The following ZFAT variants were observed in gnomAD, a reference collection of about 807,000 sequenced individuals.
ZFAT encodes the protein zinc finger and AT-hook domain containing, also known as zinc finger protein ZFAT.
A neutral mutation model predicts 117.7 loss-of-function variants in ZFAT; 64 were observed. That is an observed-to-expected ratio of 0.54 (90% confidence interval 0.44 to 0.67). ZFAT has a LOEUF of 0.67. Among genes scored for constraint, ZFAT ranks in the 30% least tolerant of loss-of-function variants. The probability of loss-of-function intolerance (pLI) is 0.00; values close to 1 mark genes in which losing one functional copy is unlikely to be tolerated. For synonymous variants in ZFAT, 679 were observed against 615.0 expected, an observed-to-expected ratio of 1.10 and a Z score of -1.54; for missense variants, 1,433 against 1,584.5, an observed-to-expected ratio of 0.90 and a Z score of 1.62.
chr8:134,579,080 G>A (rs1563871996), intron 10 of ZFAT, among the ~76,000 whole-genome samples: 1 of 152,164 alleles, frequency 6.6e-6, no homozygotes, highest in Non-Finnish European at 1.5e-5. Context: ...GCAACCCCTG[G>A]GCCATAAGAG....
At chr8:134,591,711 G>T (rs1826518700) in intron 7 of ZFAT, among the ~76,000 whole-genome samples, 1 of 152,202 alleles carries the variant, frequency 6.6e-6, no homozygotes, top group Non-Finnish European at 1.5e-5. Flanking sequence ...AGAGCTGCAT[G>T]CAGGGAGAAC....
the ZFAT span, among the ~76,000 whole-genome samples, chr8:134,788,476 G>A: frequency 6.6e-6 from 1 of 152,118 alleles, no homozygotes; most frequent in Non-Finnish European, 1.5e-5. Context: ...GAGAATGTAA[G>A]ATGAATGCTT....
the ZFAT span, among the ~76,000 whole-genome samples, chr8:134,781,277 C>T: frequency 6.6e-6 from 1 of 152,078 alleles, no homozygotes; most frequent in Non-Finnish European, 1.5e-5. Context: ...TGAGATGTGC[C>T]ACCATGCTTA....
intron 10 of ZFAT, among the ~76,000 whole-genome samples, chr8:134,567,151 C>T (rs1824525552): frequency 6.6e-6 from 1 of 152,176 alleles, no homozygotes; most frequent in Non-Finnish European, 1.5e-5. Context: ...CTTAGCTGTC[C>T]CAAATGTCCT....
In ZFAT at chr8:134,694,828, C is replaced by T. The variant is rs574910731; in HGVS notation, c.19+18017G>A. On this transcript the variant is annotated intron_variant, in intron 1 of 15. Coordinates refer to ENST00000377838, the MANE Select transcript of ZFAT (RefSeq NM_020863.4). The stretch of plus-strand genomic sequence containing the variant: ...AAAGCCTTTCTCCCTAGAAGACATT[C>T]GGAGTATTAAATAGAAAAAGCAATC... 7.2e-5 allele frequency among the ~76,000 whole-genome samples: 11 copies of T among 152,238 alleles called. No individual in the cohort carries two copies. The South Asian group carries it at 2.3e-3, about 32-fold the overall frequency.
At chr8:134,574,303 A>G (rs188372601) in intron 10 of ZFAT, among the ~76,000 whole-genome samples, 1 of 152,100 alleles carries the variant, frequency 6.6e-6, no homozygotes, top group East Asian at 1.9e-4. Flanking sequence ...CTGAGCTCCC[A>G]TTCTCTGCTC....
At chr8:134,555,994 G>GGGAGGGAGGGAA (rs1389346104) in intron 11 of ZFAT, among the ~76,000 whole-genome samples, 4 of 132,162 alleles carry the variant, frequency 3.0e-5, no homozygotes, top group Non-Finnish European at 4.9e-5. Context: ...GAGGGAAGGC[G>GGGAGGGAGGGAA]GGAGGGAGGG....
chr8:134,480,996 G>T (rs755567014), intron 15 of ZFAT, among the ~76,000 whole-genome samples: 7 of 152,160 alleles, frequency 4.6e-5, no homozygotes, highest in Non-Finnish European at 1.0e-4. Context: ...AGGAACTTTT[G>T]ATTTGGACTG....
At chr8:134,729,629 G>C in the ZFAT span, among the ~76,000 whole-genome samples, 1 of 152,174 alleles carries the variant, frequency 6.6e-6, no homozygotes, top group African/African-American at 2.4e-5. Flanking sequence ...CAAGCTGTCA[G>C]GCCCCGCTTC....
At chr8:134,783,872 T>A in the ZFAT span, 1 of 152,224 alleles carries the variant, frequency 6.6e-6, no homozygotes, top group Non-Finnish European at 1.5e-5. Context: ...TTATGAAATA[T>A]TATCAACCAG....
intron 1 of ZFAT, among the ~76,000 whole-genome samples, chr8:134,691,826 T>C (rs1833601722): frequency 6.6e-6 from 1 of 152,246 alleles, no homozygotes; most frequent in African/African-American, 2.4e-5. Flanking sequence ...TAAAGTGCTT[T>C]AAAAGATCCA....
At chr8:134,744,747 T>TTTTTTTG in the ZFAT span, among the ~76,000 whole-genome samples, 1 of 148,378 alleles carries the variant, frequency 6.7e-6, no homozygotes, top group African/African-American at 2.5e-5. Context: ...TTTTTTTTTT[T>TTTTTTTG]GAGACGGAGG....
the ZFAT span, among the ~76,000 whole-genome samples, chr8:134,828,133 A>T: frequency 6.6e-6 from 1 of 152,250 alleles, no homozygotes; most frequent in Non-Finnish European, 1.5e-5. Context: ...CATTTGAGAC[A>T]GTCCCTTGGG....
intron 1 of ZFAT, among the ~76,000 whole-genome samples, chr8:134,695,662 T>C (rs1290690074): frequency 1.4e-5 from 2 of 138,446 alleles, no homozygotes; most frequent in East Asian, 2.2e-4. Flanking sequence ...CTGGGTCATC[T>C]CTAACAAAGG....
At chr8:134,588,532 T>A in intron 8 of ZFAT, 137 bp from the exon 9 acceptor site, 1 of 943,806 alleles carries the variant, frequency 1.1e-6, no homozygotes, top group Non-Finnish European at 1.5e-6. Flanking sequence ...GATTTTCACC[T>A]AAAAAGTAAA....
chr8:134,724,950 C>T, the ZFAT span, among the ~76,000 whole-genome samples: 2 of 152,212 alleles, frequency 1.3e-5, no homozygotes, highest in African/African-American at 4.8e-5. Context: ...GTGCTCTCCA[C>T]CGCAAGCTCA....
chr8:134,738,425 C>T, the ZFAT span, among the ~76,000 whole-genome samples: 3 of 152,182 alleles, frequency 2.0e-5, no homozygotes, highest in East Asian at 5.8e-4. Context: ...TGAGGCTTAG[C>T]TTTTCATTTG....
At chr8:134,785,779 A>T in the ZFAT span, 29 of 74,116 alleles carry the variant, frequency 3.9e-4, no homozygotes, top group Non-Finnish European at 7.3e-4. Context: ...TTTCCTGTTT[A>T]AAAAAAAAAA....
chr8:134,742,800 T>A, the ZFAT span, among the ~76,000 whole-genome samples: 10 of 152,138 alleles, frequency 6.6e-5, no homozygotes, highest in African/African-American at 2.4e-4. Context: ...GGCTAGGGTA[T>A]CACATAGCAC....
Sources: gnomAD v4.1 joint callset for allele counts (sites outside exome capture counted in the v4.1 genomes callset) on GRCh38, gnomAD v4.1.1 for gene constraint, MANE v1.5 for transcripts, NCBI Gene and HGNC (gene_info 2026-07-23, HGNC 2026-07-21) for gene names.